Variants in PRKD2 observed in about 807,000 individuals in gnomAD.
PRKD2 encodes protein kinase D2.
Under a neutral mutation model 86.0 loss-of-function variants are expected in PRKD2, and 22 were observed. That is an observed-to-expected ratio of 0.26 (90% CI 0.18 to 0.37). The LOEUF (loss-of-function observed/expected upper bound fraction) is 0.37. PRKD2 is among the 10% of genes least tolerant of loss of function. The probability of loss-of-function intolerance (pLI) is 1.00; values close to 1 mark genes in which losing one functional copy is unlikely to be tolerated. For synonymous variants in PRKD2, 509 were observed against 510.9 expected, an observed-to-expected ratio of 1.00 and a Z score of 0.05; for missense variants, 818 against 1,199.2, an observed-to-expected ratio of 0.68 and a Z score of 4.70.
chr19:46,674,812 G>A, intron 17 of PRKD2, 77 bp from the exon 18 acceptor site: 1 of 1,458,208 alleles, frequency 6.9e-7, no homozygotes, highest in Non-Finnish European at 9.2e-7. Flanking sequence ...TTGCCACTGA[G>A]AGCTGGGTAC....
At chr19:46,699,032 A>T (rs2053601301) in intron 7 of PRKD2, among the ~76,000 whole-genome samples, 1 of 152,084 alleles carries the variant, frequency 6.6e-6, no homozygotes, top group Non-Finnish European at 1.5e-5. Flanking sequence ...GCACCGCAGG[A>T]AACACTCTGT....
chr19:46,697,951 G>A (rs2122710282), intron 7 of PRKD2, 101 bp from the exon 8 acceptor site: 1 of 910,190 alleles, frequency 1.1e-6, no homozygotes, highest in Non-Finnish European at 1.8e-6. Flanking sequence ...GTTGGGGACT[G>A]TTTTTGTTTG....
In PRKD2 at chr19:46,689,282, C is replaced by T. The variant is rs567408780; in HGVS notation, c.1971+255G>A. Among the ~76,000 whole-genome samples, 71 of 152,058 alleles carry T rather than the reference C, an allele frequency of 4.7e-4. 2 individuals carry two copies. Among genetic ancestry groups the T allele is most frequent in the African/African-American group, 1.6e-3 (65 of 41,466 alleles). On this transcript the variant is annotated intron_variant, in intron 14 of 17. Coordinates refer to ENST00000291281, the MANE Select transcript of PRKD2 (RefSeq NM_016457.5). ...GACTACAGGCGCCTGCCACCATGCCCGGCTAATTTTTTGTATTTCTAGTAG... is the reference window on the plus strand; with the variant it reads ...GACTACAGGCGCCTGCCACCATGCCTGGCTAATTTTTTGTATTTCTAGTAG...
chr19:46,683,049 A>G (rs1485870436), intron 14 of PRKD2, among the ~76,000 whole-genome samples: 3 of 151,460 alleles, frequency 2.0e-5, no homozygotes, highest in Admixed American at 6.6e-5. Context: ...CCCAGGCTGA[A>G]GTGCAGTATC....
At chr19:46,687,409 G>A (rs1032113902) in intron 14 of PRKD2, among the ~76,000 whole-genome samples, 1 of 151,086 alleles carries the variant, frequency 6.6e-6, no homozygotes, top group Non-Finnish European at 1.5e-5. Flanking sequence ...CAAACAAAAA[G>A]CACAGGCACA....
At position 46,690,743 on chromosome 19, in the gene PRKD2, C is replaced by T. The variant is rs770053645; in HGVS notation, c.1703-37G>A. 2.6e-6 allele frequency: 4 copies of T among 1,564,280 alleles called. No individual in the cohort carries two copies. The South Asian group carries it at 4.5e-5, about 17-fold the overall frequency. Reference sequence around the variant, plus strand: ...GTAGAAGAGATGGGGGATGAGAGAGCAAGACCACCCAGTCCTGGCAGGAGT... The same window carrying T: ...GTAGAAGAGATGGGGGATGAGAGAGTAAGACCACCCAGTCCTGGCAGGAGT... On this transcript the variant is annotated intron_variant, in intron 12 of 17. Coordinates refer to ENST00000291281, the MANE Select transcript of PRKD2 (RefSeq NM_016457.5).
intron 10 of PRKD2, among the ~76,000 whole-genome samples, chr19:46,692,668 A>C (rs773136082): frequency 2.0e-5 from 3 of 151,900 alleles, no homozygotes; most frequent in Admixed American, 6.6e-5. Context: ...AGCCCCTTAA[A>C]TGGCCTAAAA....
At chr19:46,679,087 A>G (rs910895492) in intron 15 of PRKD2, among the ~76,000 whole-genome samples, 1 of 152,148 alleles carries the variant, frequency 6.6e-6, no homozygotes, top group Non-Finnish European at 1.5e-5. Context: ...TCATGCCTGC[A>G]ATCTCAGCAC....
At position 46,711,038 on chromosome 19, in the gene PRKD2, G is replaced by A; in HGVS notation, c.380C>T (p.Ala127Val). 1 of 1,579,580 alleles carries A rather than the reference G, an allele frequency of 6.3e-7. No individual in the cohort carries two copies. The highest frequency in any genetic ancestry group is 8.6e-7 in the Non-Finnish European group (1 of 1,162,172). The change falls in exon 3 of 18, where the codon GCC (alanine) becomes GTC (valine). Residue 127 changes from alanine to valine, a missense_variant and splice_region_variant. Ala to Val is a moderately conservative substitution (Grantham distance 64). Around this residue, in one of 5 missense-constraint regions of PRKD2, gnomAD observed 403 missense variants for 518.6 expected, o/e 0.78. Transcript: ENST00000291281. ...EGDLVEVVLS[A>V]SATFEDFQIR... ...CTGGAAGTCCTCGAAGGTGGCCGAGGCTGTAGGCGGAAAATAGGGGTGGAT... is the reference window on the plus strand; with the variant it reads ...CTGGAAGTCCTCGAAGGTGGCCGAGACTGTAGGCGGAAAATAGGGGTGGAT...
intron 14 of PRKD2, among the ~76,000 whole-genome samples, chr19:46,682,258 G>A (rs1046828041): frequency 4.0e-5 from 6 of 151,288 alleles, no homozygotes; most frequent in Middle Eastern, 3.4e-3. Flanking sequence ...TCCCCACCTC[G>A]GCCTCCCAAA....
At chr19:46,677,358 A>T (rs1354783938) in intron 16 of PRKD2, 1 of 152,392 alleles carries the variant, frequency 6.6e-6, no homozygotes, top group African/African-American at 2.4e-5. Flanking sequence ...TGCCTGGCAC[A>T]TCGTGGGCAC....
At chr19:46,708,941 A>T (rs115451584) in intron 3 of PRKD2, among the ~76,000 whole-genome samples, 8 of 150,686 alleles carry the variant, frequency 5.3e-5, no homozygotes, top group Admixed American at 3.3e-4. Flanking sequence ...ACACTAATCT[A>T]GATGTTGCCA....
At chr19:46,683,982 A>T (rs1313297902) in intron 14 of PRKD2, among the ~76,000 whole-genome samples, 1 of 151,210 alleles carries the variant, frequency 6.6e-6, no homozygotes, top group East Asian at 1.9e-4. Context: ...TGTGAGAATC[A>T]TATTTCTTGA....
chr19:46,706,953 T>C (rs984524323), intron 3 of PRKD2, among the ~76,000 whole-genome samples: 9 of 150,190 alleles, frequency 6.0e-5, no homozygotes, highest in African/African-American at 2.0e-4. Flanking sequence ...AGTGCAATGG[T>C]ATGATCTCGG....
chr19:46,689,513 T>G (rs1599820520), intron 14 of PRKD2, 24 bp downstream of exon 14: 3 of 1,569,950 alleles, frequency 1.9e-6, no homozygotes, highest in Non-Finnish European at 2.6e-6. Context: ...GAGGGGCGGG[T>G]GGCAGCGGGC....
intron 5 of PRKD2, among the ~76,000 whole-genome samples, chr19:46,701,914 G>A (rs1359667809): frequency 5.3e-5 from 8 of 151,880 alleles, no homozygotes; most frequent in African/African-American, 1.5e-4. Context: ...GGAGCAAAAC[G>A]GCCCCTGGTC....
chr19:46,716,070 C>CT lies in PRKD2; in HGVS notation c.240+60dup. The CT allele has an allele frequency of 1.9e-6, 3 of 1,588,268 alleles. No homozygotes were observed. The highest frequency in any genetic ancestry group is 2.6e-6 in the Non-Finnish European group (3 of 1,168,170). On this transcript the variant is annotated intron_variant, in intron 1 of 17. Transcript: ENST00000291281. The surrounding 1 kb of genome is among the most constrained non-coding windows in gnomAD (Gnocchi z 7.9). ...TCCGCACACCAGGCCCCAGACCCCT[C>CT]TGCCAGCGCCCCCTCCTTCAACCTC...
chr19:46,714,325 A>C, intron 1 of PRKD2: 17 of 1,077,742 alleles, frequency 1.6e-5, no homozygotes, highest in East Asian at 1.4e-4. Flanking sequence ...CTGAATGAAC[A>C]CTCCCTCCCC....
Position 46,678,231 on chromosome 19 carries a change from G to T in PRKD2, c.2338+165C>A, listed in dbSNP as rs1046958458. 9.1e-7 allele frequency: 1 copy of T among 1,095,158 alleles called. No individual in the cohort carries two copies. Among genetic ancestry groups the T allele is most frequent in the Non-Finnish European group, 1.3e-6 (1 of 781,968 alleles). The allele number at this position is 1,095,158 out of a possible 1,614,324, so 67.8% of individuals were successfully genotyped here. On this transcript the variant is annotated intron_variant, in intron 16 of 17. Transcript: ENST00000291281. The surrounding 1 kb of genome is among the most constrained non-coding windows in gnomAD (Gnocchi z 5.7). The stretch of plus-strand genomic sequence containing the variant: ...AGTCCCAGCCCATCTTTTACAGGAC[G>T]GCTCCTCCTGTAGCCACATCCCTCC...
Sources: allele counts gnomAD v4.1 joint callset (sites outside exome capture counted in the v4.1 genomes callset), GRCh38; gene constraint gnomAD v4.1.1; regional missense constraint gnomAD v4.1.1; non-coding constraint Gnocchi (gnomAD v3.1); transcripts MANE v1.5; gene names NCBI Gene and HGNC (gene_info 2026-07-23, HGNC 2026-07-21).